Variants in BBS4 observed in about 807,000 individuals in gnomAD.
BBS4 encodes BBSome complex member BBS4.
BBS4 carries 58 observed loss-of-function variants against 71.4 expected under a neutral mutation model. That is an observed-to-expected ratio of 0.81 (90% CI 0.66 to 1.01). The LOEUF (loss-of-function observed/expected upper bound fraction) is 1.01, where lower values mean the gene tolerates loss of function less well. BBS4 is among the 50% of genes least tolerant of loss of function. BBS4 has a pLI of 0.00. For synonymous variants in BBS4, 228 were observed against 216.8 expected, an observed-to-expected ratio of 1.05 and a Z score of -0.46; for missense variants, 660 against 607.9, an observed-to-expected ratio of 1.09 and a Z score of -0.90.
intron 9 of BBS4, among the ~76,000 whole-genome samples, chr15:72,729,127 G>A (rs2065756267): frequency 9.4e-6 from 1 of 106,424 alleles, no homozygotes; most frequent in South Asian, 3.3e-4. Flanking sequence ...GGGATTTTTA[G>A]TTTTCTTTCT....
At chr15:72,703,628 C>T (rs17753768) in intron 2 of BBS4, among the ~76,000 whole-genome samples, 14,525 of 152,166 alleles carry the variant, frequency 0.095, 788 homozygotes, top group Non-Finnish European at 0.12. Flanking sequence ...AGTGAAATAA[C>T]TTGCCCTAGG....
At chr15:72,722,694 C>T (rs1822306895) in intron 6 of BBS4, 100 bp from the exon 7 acceptor site, 1 of 1,092,800 alleles carries the variant, frequency 9.2e-7, no homozygotes, top group African/African-American at 1.5e-5. Flanking sequence ...AAAGTTTAAA[C>T]CTTGCCGAGC....
At chr15:72,688,322 T>C (rs975937955) in intron 1 of BBS4, among the ~76,000 whole-genome samples, 1 of 151,988 alleles carries the variant, frequency 6.6e-6, no homozygotes, top group Admixed American at 6.6e-5. Context: ...TTATTGCTAG[T>C]AGTGTTACGT....
In BBS4 at chr15:72,724,492, G is replaced by A. The variant is rs193213562; in HGVS notation, c.460-36G>A. 3 of 1,612,536 alleles carry A rather than the reference G, an allele frequency of 1.9e-6. No homozygotes were observed. The East Asian group carries it at 6.7e-5, about 36-fold the overall frequency. On this transcript the variant is annotated intron_variant, in intron 7 of 15. Coordinates refer to ENST00000268057, the MANE Select transcript of BBS4 (RefSeq NM_033028.5). ...TAAAGGTATAGTTCGTTCAGTGGTA[G>A]TGATTTGGTTTTCTTTATTTTGTTA...
intron 2 of BBS4, among the ~76,000 whole-genome samples, chr15:72,707,757 T>C (rs919473785): frequency 6.6e-6 from 1 of 152,224 alleles, no homozygotes; most frequent in Admixed American, 6.5e-5. Context: ...TAATTCTTAA[T>C]GAATTTGACC....
rs2065956202 is a variant in BBS4, at chr15:72,737,788, A to C, written c.*201A>C. 1.7e-6 allele frequency: 1 copy of C among 604,878 alleles called. No homozygotes were observed. The highest frequency in any genetic ancestry group is 3.1e-6 in the Non-Finnish European group (1 of 324,322). The allele number at this position is 604,878 out of a possible 1,614,324, so 37.5% of individuals were successfully genotyped here. A position where few individuals can be genotyped will look rare whatever the true frequency, so the allele number is the denominator to read the frequency against. On this transcript the variant is annotated 3_prime_UTR_variant, in exon 16 of 16. Coordinates refer to ENST00000268057, the MANE Select transcript of BBS4 (RefSeq NM_033028.5). ...GAGGTCGGAAACCCTCTACTGCCCC[A>C]TAAGCCAGGAAAAGTGAAAAGAGAA...
intron 6 of BBS4, chr15:72,717,183 C>T (rs2065481582): frequency 3.4e-6 from 1 of 295,876 alleles, no homozygotes; most frequent in African/African-American, 2.2e-5. Flanking sequence ...ATGTCTTTTT[C>T]CCGTCCCCAT....
At chr15:72,735,723 T>C in intron 13 of BBS4, 102 bp from the exon 14 acceptor site, 1 of 1,457,270 alleles carries the variant, frequency 6.9e-7, no homozygotes. Flanking sequence ...TGGAGAAATC[T>C]CTACTTAACC....
At chr15:72,699,814 C>T (rs556740705) in intron 2 of BBS4, among the ~76,000 whole-genome samples, 1 of 152,274 alleles carries the variant, frequency 6.6e-6, no homozygotes, top group South Asian at 2.1e-4. Flanking sequence ...TTATATGTAT[C>T]AGTAGTTCTT....
intron 2 of BBS4, among the ~76,000 whole-genome samples, chr15:72,708,491 G>C (rs925161807): frequency 6.6e-6 from 1 of 152,154 alleles, no homozygotes; most frequent in African/African-American, 2.4e-5. Flanking sequence ...GGGCCACTAT[G>C]ATAATTGTGT....
In BBS4 at chr15:72,735,891, C is replaced by T. The variant is rs568443877; in HGVS notation, c.1173C>T (p.Ala391=). 4 of 1,614,098 alleles carry T rather than the reference C, an allele frequency of 2.5e-6. No homozygotes were observed. In the South Asian group the frequency reaches 4.4e-5, roughly 18 times the overall value. ...LLYNQGEKKN[A]LAQYQEMEKK... ...ACAACCAGGGCGAGAAGAAGAACGCCCTGGCCCAATATCAGGAGATGGAGA... is the reference window on the plus strand; with the variant it reads ...ACAACCAGGGCGAGAAGAAGAACGCTCTGGCCCAATATCAGGAGATGGAGA... Residue 391 remains alanine (A), a synonymous_variant, in exon 14 of 16, where the codon GCC becomes GCT. Coordinates refer to ENST00000268057, the MANE Select transcript of BBS4 (RefSeq NM_033028.5).
In BBS4 at chr15:72,730,289, A is replaced by T. The variant is rs979636613; in HGVS notation, c.711+605A>T. ...GCGAGACTCTGTCTCAAAAAAAAAA[A>T]AAATAAAAAATAAAAAAAATAAATC... On this transcript the variant is annotated intron_variant, in intron 10 of 15. Coordinates refer to ENST00000268057, the MANE Select transcript of BBS4 (RefSeq NM_033028.5). Among the ~76,000 whole-genome samples, 4 of 149,322 alleles carry T rather than the reference A, an allele frequency of 2.7e-5. No individual in the cohort carries two copies. The East Asian group carries it at 8.0e-4, about 30-fold the overall frequency.
At chr15:72,734,070 A>G (rs887638986) in intron 12 of BBS4, among the ~76,000 whole-genome samples, 28 of 152,124 alleles carry the variant, frequency 1.8e-4, no homozygotes, top group Admixed American at 1.8e-3. Flanking sequence ...CTTCTTTTGA[A>G]GTGTCTGTTT....
chr15:72,696,463 A>G (rs2065078887), intron 2 of BBS4, among the ~76,000 whole-genome samples: 5 of 152,184 alleles, frequency 3.3e-5, no homozygotes, highest in Admixed American at 3.3e-4. Flanking sequence ...CAAGTTATAA[A>G]AGTTTAATTA....
chr15:72,702,965 G>A (rs1192336219), intron 2 of BBS4, among the ~76,000 whole-genome samples: 1 of 144,206 alleles, frequency 6.9e-6, no homozygotes, highest in South Asian at 2.4e-4. Context: ...CCGCCACTAC[G>A]CCCGGCTAAT....
rs2065219291 is a variant in BBS4, at chr15:72,703,936, AGAGAATT to A, written c.77-5763_77-5757del. 3.3e-5 allele frequency among the ~76,000 whole-genome samples: 5 copies of A among 152,188 alleles called. No homozygotes were observed. The South Asian group carries it at 1.0e-3, about 32-fold the overall frequency. ...CTAAGCAGAATTTGAAATTCTTCTA[AGAGAATT>A]TAGCACCTAGGGCAAACTACAGGGG... is the stretch of plus-strand genomic sequence containing the variant. On this transcript the variant is annotated intron_variant, in intron 2 of 15. Transcript: ENST00000268057.
At chr15:72,688,013 C>T (rs2064900466) in intron 1 of BBS4, among the ~76,000 whole-genome samples, 1 of 147,376 alleles carries the variant, frequency 6.8e-6, no homozygotes, top group African/African-American at 2.5e-5. Flanking sequence ...AATACTTCCA[C>T]TCCAGCCTGG....
Position 72,722,794 on chromosome 15 carries a change from G to T in BBS4, c.406G>T (p.Glu136Ter). ...TTTTCCTTCTTTTTTATGAGCCTAG[G>T]AGATCAGCCATAACCTAGGAGTTTG... is the stretch of plus-strand genomic sequence containing the variant. ...EAAKLNQKDW[E>*]ISHNLGVCYI... The change falls in exon 7 of 16, where the codon GAG (glutamate) becomes TAG (stop). Residue 136 changes from glutamate (E) to a stop codon, truncating the protein, a stop_gained and splice_region_variant. Coordinates refer to ENST00000268057, the MANE Select transcript of BBS4 (RefSeq NM_033028.5). LOFTEE classifies it high-confidence loss of function. The T allele has an allele frequency of 6.2e-7, 1 of 1,613,786 alleles. No individual in the cohort carries two copies.
At chr15:72,720,220 T>TA (rs2065543987) in intron 6 of BBS4, among the ~76,000 whole-genome samples, 1 of 151,944 alleles carries the variant, frequency 6.6e-6, no homozygotes, top group South Asian at 2.1e-4. Context: ...TGGTGGCTCA[T>TA]ACCTGTAATA....
Sources: gnomAD v4.1 joint callset for allele counts (sites outside exome capture counted in the v4.1 genomes callset) on GRCh38, gnomAD v4.1.1 for gene constraint, MANE v1.5 for transcripts, NCBI Gene and HGNC (gene_info 2026-07-23, HGNC 2026-07-21) for gene names.